Variants in FAM107A observed in about 807,000 individuals in gnomAD.
The protein encoded by FAM107A is actin-associated protein FAM107A.
FAM107A carries 19 observed loss-of-function variants against 13.7 expected under a neutral mutation model. That is an observed-to-expected ratio of 1.38 (90% CI 0.97 to 2.03). FAM107A has a LOEUF of 2.03. FAM107A is among the 30% of genes most tolerant of loss of function. FAM107A has a pLI of 0.00. For synonymous variants in FAM107A, 82 were observed against 74.5 expected, an observed-to-expected ratio of 1.10 and a Z score of -0.52; for missense variants, 203 against 184.4, an observed-to-expected ratio of 1.10 and a Z score of -0.58.
Position 58,600,625 on chromosome 3 carries a change from C to G in FAM107A, c.-69-11356G>C, listed in dbSNP as rs191639878. Among the ~76,000 whole-genome samples the G allele has an allele frequency of 9.2e-5, 14 of 152,312 alleles. 1 individual carries two copies. The East Asian group carries it at 2.7e-3, about 29-fold the overall frequency. On this transcript the variant is annotated intron_variant, in intron 1 of 3. Transcript: ENST00000465970. ...CTGAGAGGATGGATATGTTCACTGT[C>G]TTTCTGAGAACATGGTAGCCACTAG...
chr3:58,600,317 G>A (rs540046099), intron 1 of FAM107A, among the ~76,000 whole-genome samples: 10 of 152,110 alleles, frequency 6.6e-5, no homozygotes, highest in Non-Finnish European at 1.5e-4. Context: ...AGACCTGCCC[G>A]AGGTCATAAA....
chr3:58,577,582 C>T (rs201810636), upstream of FAM107A: 13 of 985,300 alleles, frequency 1.3e-5, no homozygotes, highest in East Asian at 7.9e-4. The surrounding 1 kb of genome is among the most constrained non-coding windows in gnomAD (Gnocchi z 4.9). Context: ...CCAAGCCACA[C>T]GCTTGAGAGG....
At chr3:58,624,721 C>G (rs2065995044) in intron 1 of FAM107A, among the ~76,000 whole-genome samples, 2 of 151,256 alleles carry the variant, frequency 1.3e-5, no homozygotes, top group South Asian at 4.2e-4. Context: ...GTGAGTTCAC[C>G]TAAAAGCAAA....
chr3:58,575,664 A>G (rs2063724699), intron 1 of FAM107A, among the ~76,000 whole-genome samples: 1 of 152,226 alleles, frequency 6.6e-6, no homozygotes, highest in African/African-American at 2.4e-5. Context: ...CTCTCTAGAT[A>G]GTCAAGAAAC....
intron 1 of FAM107A, among the ~76,000 whole-genome samples, chr3:58,620,040 G>C (rs2065938780): frequency 6.6e-6 from 1 of 152,162 alleles, no homozygotes; most frequent in Non-Finnish European, 1.5e-5. Context: ...CTTCAACTCA[G>C]GGTAGCTTTT....
chr3:58,585,796 C>T (rs1170862093), intron 1 of FAM107A, among the ~76,000 whole-genome samples: 1 of 152,232 alleles, frequency 6.6e-6, no homozygotes, highest in African/African-American at 2.4e-5. Context: ...AAATGCTTAC[C>T]GGGGCTTTGC....
chr3:58,624,888 C>T (rs865886378), intron 1 of FAM107A, among the ~76,000 whole-genome samples: 2 of 152,228 alleles, frequency 1.3e-5, no homozygotes, highest in Non-Finnish European at 2.9e-5. Flanking sequence ...GGGACGGCCT[C>T]AAGGGCAGGG....
intron 3 of FAM107A, chr3:58,566,907 T>C: frequency 1.6e-6 from 1 of 607,792 alleles, no homozygotes; most frequent in South Asian, 2.0e-5. Context: ...CCTCTGGGCC[T>C]CAGCTTCCCC....
Position 58,617,219 on chromosome 3 carries a change from C to T in FAM107A, c.-70+10197G>A, listed in dbSNP as rs930776138. On this transcript the variant is annotated intron_variant, in intron 1 of 3. Coordinates refer to the FAM107A transcript ENST00000465970. The surrounding 1 kb of genome is among the most constrained non-coding windows in gnomAD (Gnocchi z 4.5). ...GCCTGCAGGTCTCAATGGCAGGCCT[C>T]TTCCTGAACGTGCACCACATCATAC... Among the ~76,000 whole-genome samples the T allele has an allele frequency of 4.6e-5, 7 of 152,320 alleles. No individual in the cohort carries two copies. The highest frequency in any genetic ancestry group is 1.3e-4 in the Admixed American group (2 of 15,302).
At chr3:58,577,637 C>T, upstream of FAM107A, 1 of 985,382 alleles carries the variant, frequency 1.0e-6, no homozygotes, top group Non-Finnish European at 1.2e-6. The surrounding 1 kb of genome is among the most constrained non-coding windows in gnomAD (Gnocchi z 4.9). Context: ...GAATAAGAAA[C>T]ACGCCAAGCT....
intron 1 of FAM107A, chr3:58,609,032 G>A (rs1382294034): frequency 6.6e-6 from 1 of 152,216 alleles, no homozygotes; most frequent in Admixed American, 6.5e-5. Flanking sequence ...CAGGAGTTGG[G>A]GGAGCTGGCA....
chr3:58,586,998 T>C, exon 1 of FAM107A: 1 of 1,462,326 alleles, frequency 6.8e-7, no homozygotes, highest in Non-Finnish European at 9.0e-7. Flanking sequence ...AGCAGGAGCG[T>C]AGTCCGGAGC....
intron 2 of FAM107A, among the ~76,000 whole-genome samples, chr3:58,567,588 G>A (rs2063635694): frequency 2.0e-5 from 3 of 152,174 alleles, no homozygotes; most frequent in Non-Finnish European, 4.4e-5. Flanking sequence ...GGCCACATGA[G>A]GATTTGAACC....
At position 58,567,296 on chromosome 3, in the gene FAM107A, A is replaced by C. The variant is rs761489059; in HGVS notation, c.239T>G (p.Ile80Ser). 7 of 1,613,612 alleles carry C rather than the reference A, an allele frequency of 4.3e-6. No homozygotes were observed. Among genetic ancestry groups the C allele is most frequent in the Non-Finnish European group, 5.9e-6 (7 of 1,179,856 alleles). Residue 80 changes from isoleucine to serine, a missense_variant, in exon 3 of 4, where the codon ATC (isoleucine) becomes AGC (serine). Coordinates refer to ENST00000360997, the MANE Select transcript of FAM107A (RefSeq NM_001076778.3). ...VLEHRRRNQL[I>S]KKKKEELEAK... ...TTCCAGCTCCTCCTTCTTCTTCTTG[A>C]TGAGCTGGTTCCGCCGGCGGTGCTC...
At chr3:58,621,742 T>A (rs2065957745) in intron 1 of FAM107A, among the ~76,000 whole-genome samples, 3 of 152,256 alleles carry the variant, frequency 2.0e-5, no homozygotes, top group Admixed American at 2.0e-4. Flanking sequence ...CTCTTCTCCC[T>A]GAGTCTGGAT....
Position 58,616,526 on chromosome 3 carries a change from AACACACAC to A in FAM107A, c.-70+10882_-70+10889del, listed in dbSNP as rs59230021. Among the ~76,000 whole-genome samples the A allele has an allele frequency of 7.7e-3, 1,056 of 137,856 alleles. 15 individuals carry two copies. Among genetic ancestry groups the A allele is most frequent in the African/African-American group, 0.024 (869 of 36,670 alleles). 90.4% of individuals were successfully genotyped at this position (137,856 alleles called of 152,430 possible). A position where few individuals can be genotyped will look rare whatever the true frequency, so the allele number is the denominator to read the frequency against. ...CTGACTGGTGTCCTTATAAGAGGAG[AACACACAC>A]ACACACACACACACACACACACACA... is the stretch of plus-strand genomic sequence containing the variant. On this transcript the variant is annotated intron_variant, in intron 1 of 3. Coordinates refer to the FAM107A transcript ENST00000465970.
intron 1 of FAM107A, among the ~76,000 whole-genome samples, chr3:58,618,610 T>C (rs896239282): frequency 6.6e-6 from 1 of 152,206 alleles, no homozygotes; most frequent in African/African-American, 2.4e-5. Context: ...AAGATTAAAG[T>C]GGATTTAAAA....
rs1036399886 is a variant in FAM107A, at chr3:58,598,338, C to T, written c.-69-9069G>A. Among the ~76,000 whole-genome samples the T allele has an allele frequency of 3.9e-5, 6 of 152,332 alleles. No individual in the cohort carries two copies. The South Asian group carries it at 8.3e-4, about 21-fold the overall frequency. ...ATCACATGGGTGTTGAGTTCTCAGC[C>T]GAGGTGCAGTAATGAGGGCACTGTT... On this transcript the variant is annotated intron_variant, in intron 1 of 3. Coordinates refer to the FAM107A transcript ENST00000465970.
Position 58,565,844 on chromosome 3 carries a change from G to T in FAM107A, c.*744C>A, listed in dbSNP as rs1043956. ...ATCTCCCAGATCTATTGAGTTAGAA[G>T]CTGTATTAACAAGATCCCCAGTGAT... On this transcript the variant is annotated 3_prime_UTR_variant, in exon 4 of 4. Coordinates refer to ENST00000360997, the MANE Select transcript of FAM107A (RefSeq NM_001076778.3). 0.28 allele frequency: 42,060 copies of T among 152,072 alleles called. 6,905 individuals are homozygous for T. The highest frequency in any genetic ancestry group is 0.56 in the East Asian group (2,910 of 5,156). 9.4% of individuals were successfully genotyped at this position (152,072 alleles called of 1,614,324 possible). A position where few individuals can be genotyped will look rare whatever the true frequency, so the allele number is the denominator to read the frequency against.
Sources: gnomAD v4.1 joint callset for allele counts (sites outside exome capture counted in the v4.1 genomes callset) on GRCh38, gnomAD v4.1.1 for gene constraint, Gnocchi (gnomAD v3.1) non-coding constraint, MANE v1.5 for transcripts, NCBI Gene and HGNC (gene_info 2026-07-23, HGNC 2026-07-21) for gene names.